Variants in HECW1 observed in about 807,000 individuals in gnomAD.
The protein encoded by HECW1 is E3 ubiquitin-protein ligase HECW1.
A neutral mutation model predicts 182.3 loss-of-function variants in HECW1; 61 were observed. The observed-to-expected ratio is 0.33, with a 90% CI of 0.27 to 0.41. The LOEUF (loss-of-function observed/expected upper bound fraction) is 0.41. Ranked by LOEUF, HECW1 falls within the 10% of genes least tolerant of loss-of-function variation. The pLI, the probability that HECW1 is intolerant of heterozygous loss-of-function variation, is 1.00. For synonymous variants in HECW1, 859 were observed against 832.6 expected (o/e 1.03, Z -0.55); for missense variants, 1,739 against 2,108.9 (o/e 0.82, Z 3.44).
rs542957195 is a variant in HECW1 at position 43,240,150 on chromosome 7, G to A, written c.-31-3725G>A. The A allele has an allele frequency of 5.3e-5, 8 of 152,206 alleles. No homozygotes were observed. In the South Asian group the frequency reaches 8.3e-4, roughly 16 times the overall value. The allele number at this position is 152,206 out of a possible 1,614,324, so 9.4% of individuals were successfully genotyped here. ...GAGGTCAGGAGATCGAGACCATCCT[G>A]GCTGACACGGTGAAACCCCATCTCT... On this transcript the variant is annotated intron_variant, in intron 2 of 29. Coordinates refer to ENST00000395891, the MANE Select transcript of HECW1 (RefSeq NM_015052.5).
intron 5 of HECW1, among the ~76,000 whole-genome samples, chr7:43,325,141 A>G (rs1381334505): frequency 6.6e-6 from 1 of 152,226 alleles, no homozygotes; most frequent in Non-Finnish European, 1.5e-5. Flanking sequence ...ATTCTCTGGC[A>G]TAATTTTTCT....
intron 2 of HECW1, among the ~76,000 whole-genome samples, chr7:43,242,767 G>A (rs1161442342): frequency 6.6e-6 from 1 of 152,194 alleles, no homozygotes; most frequent in Non-Finnish European, 1.5e-5. Context: ...AGATGGGGCA[G>A]AGCTGGGGCA....
intron 3 of HECW1, among the ~76,000 whole-genome samples, chr7:43,298,476 A>T (rs765284130): frequency 2.0e-5 from 3 of 152,216 alleles, no homozygotes; most frequent in Non-Finnish European, 2.9e-5. Context: ...ATAAAGCAGT[A>T]GTCATATGCC....
chr7:43,434,848 A>G (rs2076661085), intron 8 of HECW1, among the ~76,000 whole-genome samples: 1 of 152,230 alleles, frequency 6.6e-6, no homozygotes, highest in Non-Finnish European at 1.5e-5. Context: ...CATGTAGGCT[A>G]CTGTAGGTAG....
intron 5 of HECW1, among the ~76,000 whole-genome samples, chr7:43,337,856 T>C (rs886399704): frequency 3.3e-5 from 5 of 152,192 alleles, no homozygotes; most frequent in Non-Finnish European, 5.9e-5. Flanking sequence ...AAGGCTGCAT[T>C]TGCAGTGTCA....
rs553740385 is a variant in HECW1 at position 43,319,157 on chromosome 7, G to A, written c.353-1478G>A. Among the ~76,000 whole-genome samples, 1,178 of 152,216 alleles carry A rather than the reference G, an allele frequency of 7.7e-3. 5 individuals carry two copies. Among genetic ancestry groups the A allele is most frequent in the Admixed American group, 0.013 (206 of 15,290 alleles). On this transcript the variant is annotated intron_variant, in intron 4 of 29. Coordinates refer to ENST00000395891, the MANE Select transcript of HECW1 (RefSeq NM_015052.5). ...AATCCCAGCACTTTGGGAGGCCGAG[G>A]CGGGTGGATCATGAGGTCAGGAGAT...
At chr7:43,334,140 T>A (rs1397095120) in intron 5 of HECW1, among the ~76,000 whole-genome samples, 1 of 152,220 alleles carries the variant, frequency 6.6e-6, no homozygotes, top group Non-Finnish European at 1.5e-5. Context: ...CTGTGGAGCT[T>A]CAGAAAGTCC....
chr7:43,517,201 G>A (rs1367736619), intron 24 of HECW1, among the ~76,000 whole-genome samples: 2 of 152,150 alleles, frequency 1.3e-5, no homozygotes, highest in Non-Finnish European at 2.9e-5. Context: ...CAAAATGTCT[G>A]TGAGCTCATT....
chr7:43,528,760 T>C lies in HECW1; in HGVS notation c.4020-12403T>C, dbSNP rs116752045. On this transcript the variant is annotated intron_variant, in intron 24 of 29. Coordinates refer to ENST00000395891, the MANE Select transcript of HECW1 (RefSeq NM_015052.5). ...GACTTGGCGGCACCAGGGCTAGACA[T>C]TCATTTCAGTTGCTAATTAGCAATC... Among the ~76,000 whole-genome samples, 1,110 of 152,294 alleles carry C rather than the reference T, an allele frequency of 7.3e-3. 14 individuals are homozygous for C. The highest frequency in any genetic ancestry group is 0.026 in the African/African-American group (1,062 of 41,568).
At chr7:43,211,378 A>C (rs1795993266) in intron 2 of HECW1, among the ~76,000 whole-genome samples, 1 of 152,210 alleles carries the variant, frequency 6.6e-6, no homozygotes, top group South Asian at 2.1e-4. Context: ...TCCGTGAATG[A>C]ATGAAACGGT....
intron 2 of HECW1, among the ~76,000 whole-genome samples, chr7:43,224,231 A>C (rs1344482668): frequency 1.3e-5 from 2 of 152,212 alleles, no homozygotes; most frequent in Non-Finnish European, 2.9e-5. Context: ...TTAATGTAAA[A>C]CATCATGCAT....
intron 3 of HECW1, among the ~76,000 whole-genome samples, chr7:43,282,945 C>G (rs1258530202): frequency 6.6e-6 from 1 of 152,028 alleles, no homozygotes; most frequent in Non-Finnish European, 1.5e-5. Flanking sequence ...TGGGAAAACC[C>G]CATCCCTACT....
In HECW1 at chr7:43,392,373, G is replaced by A. The variant is rs577369663; in HGVS notation, c.556-4441G>A. On this transcript the variant is annotated intron_variant, in intron 6 of 29. Transcript: ENST00000395891. ...GGAAATGCCATATGCACTAAAGGGA[G>A]CAGCTCCAGCTTTTACCCAAAGGAA... 1.6e-4 allele frequency among the ~76,000 whole-genome samples: 24 copies of A among 152,342 alleles called. 1 individual carries two copies. Among genetic ancestry groups the A allele is most frequent in the African/African-American group, 5.3e-4 (22 of 41,578 alleles).
At chr7:43,240,177 C>T (rs1391686187) in intron 2 of HECW1, among the ~76,000 whole-genome samples, 1 of 152,082 alleles carries the variant, frequency 6.6e-6, no homozygotes, top group African/African-American at 2.4e-5. Context: ...CCCATCTCTA[C>T]TAAAAATACA....
At chr7:43,134,078 AG>A (rs1787248425) in intron 2 of HECW1, among the ~76,000 whole-genome samples, 1 of 152,146 alleles carries the variant, frequency 6.6e-6, no homozygotes. Context: ...GTTTTTTTAT[AG>A]CCCAAGTGTT....
At chr7:43,141,985 G>C (rs1158670739) in intron 2 of HECW1, among the ~76,000 whole-genome samples, 1 of 152,178 alleles carries the variant, frequency 6.6e-6, no homozygotes, top group Admixed American at 6.5e-5. Flanking sequence ...TGACCTCAAA[G>C]TTCTATTCCT....
intron 23 of HECW1, 88 bp from the exon 24 acceptor site, chr7:43,508,881 T>G: frequency 1.4e-6 from 2 of 1,440,596 alleles, no homozygotes; most frequent in Middle Eastern, 2.6e-4. Flanking sequence ...CACCCAACTC[T>G]GAAAGGGCAC....
intron 4 of HECW1, among the ~76,000 whole-genome samples, chr7:43,313,162 A>G (rs1455301977): frequency 1.3e-5 from 2 of 152,226 alleles, no homozygotes; most frequent in Non-Finnish European, 1.5e-5. Flanking sequence ...TAATACACAC[A>G]TTAATGTAAA....
chr7:43,332,383 A>C (rs1811608215), intron 5 of HECW1, among the ~76,000 whole-genome samples: 1 of 152,186 alleles, frequency 6.6e-6, no homozygotes, highest in Non-Finnish European at 1.5e-5. Context: ...TCTCCATGAG[A>C]TGGATACAGA....
Sources: gnomAD v4.1 joint callset for allele counts (sites outside exome capture counted in the v4.1 genomes callset) on GRCh38, gnomAD v4.1.1 for gene constraint, MANE v1.5 for transcripts, NCBI Gene and HGNC (gene_info 2026-07-23, HGNC 2026-07-21) for gene names.